The following PSMB9 variants were observed in gnomAD, a reference collection of about 807,000 sequenced individuals.
PSMB9 encodes the protein proteasome subunit beta type-9.
A neutral mutation model predicts 26.9 loss-of-function variants in PSMB9; 16 were observed. The ratio of observed to expected loss-of-function variants is 0.59; its 90% CI spans 0.40 to 0.90. The LOEUF (loss-of-function observed/expected upper bound fraction) is 0.90. Among genes scored for constraint, PSMB9 ranks in the 40% least tolerant of loss-of-function variants. PSMB9 has a pLI of 0.00. For synonymous variants in PSMB9, 91 were observed against 112.0 expected (o/e 0.81, Z 1.18); for missense variants, 253 against 292.2 (o/e 0.87, Z 0.98).
In PSMB9 at chr6:32,858,781, T is replaced by A. The variant is rs556085389; in HGVS notation, c.532+276T>A. 6 of 522,776 alleles carry A rather than the reference T, an allele frequency of 1.1e-5. No homozygotes were observed. In the South Asian group the frequency reaches 1.3e-4, roughly 11 times the overall value. The allele number at this position is 522,776 out of a possible 1,614,324, so 32.4% of individuals were successfully genotyped here. A position where few individuals can be genotyped will look rare whatever the true frequency, so the allele number is the denominator to read the frequency against. On this transcript the variant is annotated intron_variant, in intron 5 of 5. Coordinates refer to ENST00000374859, the MANE Select transcript of PSMB9 (RefSeq NM_002800.5). This position sits in a 1 kb window ranked among gnomAD's most constrained non-coding sequence, Gnocchi z 5.2. ...TAAGCACAGTGGCTCACACCTGTAA[T>A]GCCAACAATTTGGGAGGCTGAGGCA...
In PSMB9 at chr6:32,858,439, G is replaced by T; in HGVS notation, c.466G>T (p.Gly156Cys). ...TGGCTCCGGCAGCACCTTTATCTAT[G>T]GTTATGTGGATGCAGCATATAAGCC... is the stretch of plus-strand genomic sequence containing the variant. Reference protein sequence around the residue: ...IGGSGSTFIYGYVDAAYKPGM... With the variant: ...IGGSGSTFIYCYVDAAYKPGM... Residue 156 changes from glycine (G) to cysteine (C), a missense_variant, in exon 5 of 6, where the codon GGT becomes TGT. Physicochemically the swap from Gly to Cys is radical, Grantham distance 159. Coordinates refer to ENST00000374859, the MANE Select transcript of PSMB9 (RefSeq NM_002800.5). This position sits in a 1 kb window ranked among gnomAD's most constrained non-coding sequence, Gnocchi z 5.2. The T allele has an allele frequency of 6.2e-7, 1 of 1,613,036 alleles. No homozygotes were observed. The highest frequency in any genetic ancestry group is 1.1e-5 in the South Asian group (1 of 91,084).
At position 32,856,170 on chromosome 6, in the gene PSMB9, C is replaced by T. The variant is rs764341224; in HGVS notation, c.93C>T (p.Gly31=). 3.7e-6 allele frequency: 6 copies of T among 1,612,730 alleles called. No individual in the cohort carries two copies. The highest frequency in any genetic ancestry group is 1.3e-5 in the African/African-American group (1 of 74,842). ...TTIMAVEFDG[G]VVMGSDSRVS... is the part of the protein sequence containing the mutation. Reference sequence around the variant, plus strand: ...TCATGGCAGTGGAGTTTGACGGGGGCGTTGTGATGGGTTCTGATTCCCGAG... The same window carrying T: ...TCATGGCAGTGGAGTTTGACGGGGGTGTTGTGATGGGTTCTGATTCCCGAG... Residue 31 remains glycine (G), a synonymous_variant, in exon 2 of 6, where the codon GGC becomes GGT. Coordinates refer to ENST00000374859, the MANE Select transcript of PSMB9 (RefSeq NM_002800.5).
At chr6:32,855,743 C>T (rs899785968) in intron 1 of PSMB9, among the ~76,000 whole-genome samples, 1 of 151,934 alleles carries the variant, frequency 6.6e-6, no homozygotes, top group Non-Finnish European at 1.5e-5. Context: ...TAGTCAATTA[C>T]TCTGTGTTGG....
chr6:32,859,439 C>T lies in PSMB9; in HGVS notation c.567C>T (p.Ser189=), dbSNP rs761162782. The change falls in exon 6 of 6, where the codon AGC becomes AGT. Residue 189 remains serine, a synonymous_variant. Coordinates refer to ENST00000374859, the MANE Select transcript of PSMB9 (RefSeq NM_002800.5). ...IALAMSRDGS[S]GGVIYLVTIT... ...TGGCCATGAGCCGGGATGGCTCAAGCGGGGGTGTCATCTACCTGGTCACTA... is the reference window on the plus strand; with the variant it reads ...TGGCCATGAGCCGGGATGGCTCAAGTGGGGGTGTCATCTACCTGGTCACTA... The T allele has an allele frequency of 1.7e-5, 28 of 1,613,306 alleles. No individual in the cohort carries two copies. The Middle Eastern group carries it at 6.6e-4, about 38-fold the overall frequency.
Position 32,858,189 on chromosome 6 carries a change from G to T in PSMB9, c.390+55G>T. The T allele has an allele frequency of 6.2e-7, 1 of 1,607,968 alleles. No individual in the cohort carries two copies. Among genetic ancestry groups the T allele is most frequent in the Non-Finnish European group, 8.5e-7 (1 of 1,176,912 alleles). ...TGGGCTTCCCCACTCTCCTGCAGAG[G>T]AAGATGGAAGTCCTATGTCATTCTA... On this transcript the variant is annotated intron_variant, in intron 4 of 5. Transcript: ENST00000374859. The surrounding 1 kb of genome is among the most constrained non-coding windows in gnomAD (Gnocchi z 5.2).
chr6:32,855,986 G>GA lies in PSMB9; in HGVS notation c.61-145dup, dbSNP rs1243485405. On this transcript the variant is annotated intron_variant, in intron 1 of 5. Transcript: ENST00000374859. ...AATAGAGAAAGTGGAAAGATGAAGG[G>GA]AAAAAAAGCCTGTACTGACAGTCAG... 6.3e-6 allele frequency: 4 copies of GA among 639,118 alleles called. No individual in the cohort carries two copies. In the African/African-American group the frequency reaches 7.4e-5, roughly 12 times the overall value. The allele number at this position is 639,118 out of a possible 1,614,324, so 39.6% of individuals were successfully genotyped here. A position where few individuals can be genotyped will look rare whatever the true frequency, so the allele number is the denominator to read the frequency against.
intron 3 of PSMB9, chr6:32,857,723 G>A (rs1263387903): frequency 5.6e-6 from 3 of 535,380 alleles, no homozygotes; most frequent in Non-Finnish European, 9.8e-6. Context: ...AATCAAGGTC[G>A]TTGGGACGGA....
chr6:32,857,941 G>A, intron 3 of PSMB9, 64 bp from the exon 4 acceptor site: 2 of 1,595,822 alleles, frequency 1.3e-6, no homozygotes, highest in Non-Finnish European at 1.7e-6. Context: ...CAGGGATGAT[G>A]GTAACAGTAT....
In PSMB9 at chr6:32,858,312, C is replaced by T. The variant is rs60716456; in HGVS notation, c.391-52C>T. ...AGGGTGCAGAGACCACTTAATGTCTCAGTGGGAAGGAAGGGCTTGATGATT... is the reference window on the plus strand; with the variant it reads ...AGGGTGCAGAGACCACTTAATGTCTTAGTGGGAAGGAAGGGCTTGATGATT... On this transcript the variant is annotated intron_variant, in intron 4 of 5. Transcript: ENST00000374859. The surrounding 1 kb of genome is among the most constrained non-coding windows in gnomAD (Gnocchi z 5.2). 3,157 of 1,610,232 alleles carry T rather than the reference C, an allele frequency of 2.0e-3. 56 individuals carry two copies. The South Asian group carries it at 0.024, about 12-fold the overall frequency.
At position 32,854,674 on chromosome 6, in the gene PSMB9, G is replaced by T. The variant is rs192978826; in HGVS notation, c.60+385G>T. Among the ~76,000 whole-genome samples the T allele has an allele frequency of 6.6e-6, 1 of 152,298 alleles. No homozygotes were observed. Among genetic ancestry groups the T allele is most frequent in the East Asian group, 1.9e-4 (1 of 5,174 alleles). On this transcript the variant is annotated intron_variant, in intron 1 of 5. Transcript: ENST00000374859. The surrounding 1 kb of genome is among the most constrained non-coding windows in gnomAD (Gnocchi z 4.6). The stretch of plus-strand genomic sequence containing the variant: ...AGGAAATGGTGCCCTGGGTGAAGTA[G>T]AACAGCACTTGGGAGAAGGAAATAT...
chr6:32,859,569 A>T lies in PSMB9; in HGVS notation c.*37A>T. ...ACTTCTCTTTCTTATTTTGTAATAA[A>T]CTCTCTAGGGCCAAAACCTGGTATG... is the stretch of plus-strand genomic sequence containing the variant. On this transcript the variant is annotated 3_prime_UTR_variant, in exon 6 of 6. Transcript: ENST00000374859. The T allele has an allele frequency of 1.9e-6, 3 of 1,602,700 alleles. No individual in the cohort carries two copies. The highest frequency in any genetic ancestry group is 2.6e-6 in the Non-Finnish European group (3 of 1,173,752).
chr6:32,859,362 G>A, intron 5 of PSMB9, 43 bp from the exon 6 acceptor site: 1 of 1,560,912 alleles, frequency 6.4e-7, no homozygotes, highest in Non-Finnish European at 8.7e-7. Context: ...TTGAAGCTAA[G>A]CCATCCTCTC....
At chr6:32,857,724 T>C (rs1314266369) in intron 3 of PSMB9, 2 of 538,446 alleles carry the variant, frequency 3.7e-6, no homozygotes, top group African/African-American at 1.9e-5. Flanking sequence ...ATCAAGGTCG[T>C]TGGGACGGAA....
chr6:32,859,411 C>T lies in PSMB9; in HGVS notation c.539C>T (p.Ala180Val), dbSNP rs1771342606. ...AACTTGAAACCCTCTGCAGCTATTGCTCTGGCCATGAGCCGGGATGGCTCA... is the reference window on the plus strand; with the variant it reads ...AACTTGAAACCCTCTGCAGCTATTGTTCTGGCCATGAGCCGGGATGGCTCA... The part of the protein sequence containing the change: ...ECRRFTTDAI[A>V]LAMSRDGSSG... The change falls in exon 6 of 6, where the codon GCT becomes GTT. Residue 180 changes from alanine (A) to valine (V), a missense_variant. Coordinates refer to ENST00000374859, the MANE Select transcript of PSMB9 (RefSeq NM_002800.5). The T allele has an allele frequency of 1.2e-6, 2 of 1,611,382 alleles. No individual in the cohort carries two copies. The highest frequency in any genetic ancestry group is 4.5e-5 in the East Asian group (2 of 44,760).
intron 3 of PSMB9, 24 bp from the exon 4 acceptor site, chr6:32,857,981 C>T: frequency 1.9e-6 from 3 of 1,612,838 alleles, no homozygotes; most frequent in Non-Finnish European, 2.5e-6. Context: ...TTCTATCAAC[C>T]TTTATTCCTA....
chr6:32,858,158 C>T lies in PSMB9; in HGVS notation c.390+24C>T, dbSNP rs1036187356. On this transcript the variant is annotated intron_variant, in intron 4 of 5. Coordinates refer to ENST00000374859, the MANE Select transcript of PSMB9 (RefSeq NM_002800.5). The surrounding 1 kb of genome is among the most constrained non-coding windows in gnomAD (Gnocchi z 5.2). ...AGGTGAGTTTCTCCCAAAGCACTCT[C>T]TCCTCTGGGCTTCCCCACTCTCCTG... is the stretch of plus-strand genomic sequence containing the variant. The T allele has an allele frequency of 1.2e-6, 2 of 1,612,482 alleles. No individual in the cohort carries two copies. The highest frequency in any genetic ancestry group is 1.7e-6 in the Non-Finnish European group (2 of 1,179,606).
rs1771045509 is a variant in PSMB9 at position 32,854,363 on chromosome 6, G to A, written c.60+74G>A. ...CGGCCAGGGGACCCTGGAAGCGCGC[G>A]CGGAGAAGTGAATGCAGAGACCAAC... is the stretch of plus-strand genomic sequence containing the variant. On this transcript the variant is annotated intron_variant, in intron 1 of 5. Coordinates refer to ENST00000374859, the MANE Select transcript of PSMB9 (RefSeq NM_002800.5). The surrounding 1 kb of genome is among the most constrained non-coding windows in gnomAD (Gnocchi z 4.6). 1.4e-6 allele frequency: 2 copies of A among 1,382,902 alleles called. No homozygotes were observed. The highest frequency in any genetic ancestry group is 1.9e-6 in the Non-Finnish European group (2 of 1,049,988). 85.7% of individuals were successfully genotyped at this position (1,382,902 alleles called of 1,614,324 possible). A position where few individuals can be genotyped will look rare whatever the true frequency, so the allele number is the denominator to read the frequency against.
At chr6:32,856,544 G>T in intron 2 of PSMB9, 2 of 251,660 alleles carry the variant, frequency 7.9e-6, no homozygotes, top group South Asian at 1.0e-4. Flanking sequence ...GCAGATACCT[G>T]GTTTCTCATT....
In PSMB9 at chr6:32,854,331, G is replaced by A; in HGVS notation, c.60+42G>A. On this transcript the variant is annotated intron_variant, in intron 1 of 5. Coordinates refer to ENST00000374859, the MANE Select transcript of PSMB9 (RefSeq NM_002800.5). The surrounding 1 kb of genome is among the most constrained non-coding windows in gnomAD (Gnocchi z 4.6). ...TGAGGGTTGGCAGAGGGGTGGAGGA[G>A]ATGCAGCGGCCAGGGGACCCTGGAA... 1 of 1,435,834 alleles carries A rather than the reference G, an allele frequency of 7.0e-7. No individual in the cohort carries two copies. Among genetic ancestry groups the A allele is most frequent in the South Asian group, 1.5e-5 (1 of 68,646 alleles). 88.9% of individuals were successfully genotyped at this position (1,435,834 alleles called of 1,614,324 possible).
Sources: gnomAD v4.1 joint callset for allele counts (sites outside exome capture counted in the v4.1 genomes callset) on GRCh38, gnomAD v4.1.1 for gene constraint, Gnocchi (gnomAD v3.1) non-coding constraint, MANE v1.5 for transcripts, NCBI Gene and HGNC (gene_info 2026-07-23, HGNC 2026-07-21) for gene names.